PELI1: variants seen among roughly 807,000 people sequenced by gnomAD.
The protein encoded by PELI1 is E3 ubiquitin-protein ligase pellino homolog 1.
In PELI1, 15 loss-of-function variants were observed where a neutral mutation model predicts 41.3. The ratio of observed to expected loss-of-function variants is 0.36; its 90% CI spans 0.24 to 0.56. The LOEUF (loss-of-function observed/expected upper bound fraction) is 0.56. Ranked by LOEUF, PELI1 falls within the 20% of genes least tolerant of loss-of-function variation. The pLI is 0.82. For missense variants in PELI1, 403 were observed against 525.5 expected (o/e 0.77, Z 2.28); for synonymous variants, 178 against 180.1 (o/e 0.99, Z 0.09).
At chr2:64,138,098 TTTTTG>T (rs1181199312) in intron 1 of PELI1, among the ~76,000 whole-genome samples, 2 of 152,142 alleles carry the variant, frequency 1.3e-5, no homozygotes, top group Non-Finnish European at 1.5e-5. Flanking sequence ...ACGCTAGTTT[TTTTTG>T]TTTTGTTTTG....
At chr2:64,112,807 C>T (rs1399150534) in intron 1 of PELI1, among the ~76,000 whole-genome samples, 2 of 152,060 alleles carry the variant, frequency 1.3e-5, no homozygotes, top group East Asian at 3.9e-4. Flanking sequence ...AAATAAAATG[C>T]TGTGACAGCT....
chr2:64,113,566 T>C (rs761889291), intron 1 of PELI1, among the ~76,000 whole-genome samples: 2 of 152,258 alleles, frequency 1.3e-5, no homozygotes, highest in African/African-American at 2.4e-5. Flanking sequence ...CTTTGAAACT[T>C]TGCTTGATAC....
chr2:64,140,392 C>T (rs1681861014), intron 1 of PELI1, among the ~76,000 whole-genome samples: 1 of 152,054 alleles, frequency 6.6e-6, no homozygotes, highest in Non-Finnish European at 1.5e-5. Context: ...TATGTAGAAC[C>T]CCATTTCTCT....
rs547306190 is a variant in PELI1 at position 64,131,494 on chromosome 2, T to A, written c.-70+12587A>T. Among the ~76,000 whole-genome samples, 634 of 152,264 alleles carry A rather than the reference T, an allele frequency of 4.2e-3. 1 individual carries two copies. Among genetic ancestry groups the A allele is most frequent in the African/African-American group, 0.014 (576 of 41,546 alleles). ...ATATTTGTTTTCCAAATATTTTTGA[T>A]CCATGCTTGGTTCAATCCTCAGATG... On this transcript the variant is annotated intron_variant, in intron 1 of 6. Transcript: ENST00000358912.
chr2:64,131,342 G>A (rs2103735874), intron 1 of PELI1, among the ~76,000 whole-genome samples: 1 of 151,726 alleles, frequency 6.6e-6, no homozygotes, highest in East Asian at 1.9e-4. Flanking sequence ...ACACACATAG[G>A]TTCAGGTCAA....
intron 1 of PELI1, among the ~76,000 whole-genome samples, chr2:64,124,902 T>G (rs1413787950): frequency 6.6e-6 from 1 of 152,182 alleles, no homozygotes; most frequent in Non-Finnish European, 1.5e-5. Context: ...CCAAACCACC[T>G]GACTTCTGAC....
At chr2:64,122,367 G>C (rs899403219) in intron 1 of PELI1, among the ~76,000 whole-genome samples, 53 of 131,458 alleles carry the variant, frequency 4.0e-4, no homozygotes, top group Non-Finnish European at 7.7e-4. Flanking sequence ...AAAAACTCCA[G>C]AAAAAAAAAC....
chr2:64,121,967 T>C lies in PELI1; in HGVS notation c.-69-13588A>G, dbSNP rs1382620625. Among the ~76,000 whole-genome samples the C allele has an allele frequency of 2.0e-5, 3 of 152,142 alleles. No homozygotes were observed. In the East Asian group the frequency reaches 5.8e-4, roughly 29 times the overall value. On this transcript the variant is annotated intron_variant, in intron 1 of 6. Transcript: ENST00000358912. Reference sequence around the variant, plus strand: ...TTTTATAATGGGACAAATAATCGTATTCATAAAGAAAAAAGGGTTAGAATA... The same window carrying C: ...TTTTATAATGGGACAAATAATCGTACTCATAAAGAAAAAAGGGTTAGAATA...
intron 4 of PELI1, among the ~76,000 whole-genome samples, chr2:64,098,299 T>TTA (rs1216673158): frequency 6.6e-6 from 1 of 152,196 alleles, no homozygotes; most frequent in Non-Finnish European, 1.5e-5. Flanking sequence ...CAATGGTTCC[T>TTA]TATAGCTTAT....
intron 2 of PELI1, among the ~76,000 whole-genome samples, chr2:64,106,584 T>A (rs1455911139): frequency 6.6e-6 from 1 of 152,206 alleles, no homozygotes; most frequent in African/African-American, 2.4e-5. Flanking sequence ...AAATTTATGA[T>A]CTTTTAAAGC....
intron 1 of PELI1, among the ~76,000 whole-genome samples, chr2:64,113,622 T>TA (rs1030824494): frequency 3.3e-5 from 5 of 151,946 alleles, no homozygotes; most frequent in Middle Eastern, 3.4e-3. Context: ...CTTCCAGAGT[T>TA]AAAAAAAAAT....
intron 1 of PELI1, among the ~76,000 whole-genome samples, chr2:64,114,347 A>G (rs1680920673): frequency 6.6e-6 from 1 of 152,164 alleles, no homozygotes; most frequent in African/African-American, 2.4e-5. Context: ...AAGAGTGAAA[A>G]TTTAATCACC....
intron 1 of PELI1, among the ~76,000 whole-genome samples, chr2:64,116,075 G>C (rs1213947331): frequency 1.3e-5 from 2 of 152,102 alleles, no homozygotes; most frequent in Non-Finnish European, 2.9e-5. Flanking sequence ...TAAATTCCTG[G>C]TACTACCAGG....
At chr2:64,115,005 A>G (rs1256621766) in intron 1 of PELI1, among the ~76,000 whole-genome samples, 1 of 152,206 alleles carries the variant, frequency 6.6e-6, no homozygotes, top group Admixed American at 6.5e-5. Context: ...GGTTATTTAT[A>G]CTAAGACTTG....
chr2:64,100,655 G>T (rs1680395381), intron 3 of PELI1, among the ~76,000 whole-genome samples, 156 bp from the exon 4 acceptor site: 1 of 152,120 alleles, frequency 6.6e-6, no homozygotes, highest in Admixed American at 6.6e-5. Flanking sequence ...CCTGTCAGCT[G>T]TGACAGTAGT....
rs762935254 is a variant in PELI1 at position 64,094,846 on chromosome 2, A to G, written c.1113T>C (p.Cys371=). ...ACCAATAGGCAGTTGTCTTTTCTGA[A>G]CACACATGCCCACACGGGCTAAACG... The part of the protein sequence containing the change: ...THAFSPCGHV[C]SEKTTAYWSQ... Residue 371 remains cysteine, a synonymous_variant, in exon 7 of 7, where the codon TGT becomes TGC. Transcript: ENST00000358912. 3.7e-6 allele frequency: 6 copies of G among 1,614,232 alleles called. No homozygotes were observed. Among genetic ancestry groups the G allele is most frequent in the East Asian group, 4.5e-5 (2 of 44,890 alleles).
In PELI1 at chr2:64,108,311, G is replaced by C; in HGVS notation, c.-1C>G. 1 of 1,595,444 alleles carries C rather than the reference G, an allele frequency of 6.3e-7. No individual in the cohort carries two copies. The highest frequency in any genetic ancestry group is 8.6e-7 in the Non-Finnish European group (1 of 1,163,188). On this transcript the variant is annotated 5_prime_UTR_variant, in exon 2 of 7. Coordinates refer to ENST00000358912, the MANE Select transcript of PELI1 (RefSeq NM_020651.4). ...GATTTTCTTGATCAGGAGAAAACAT[G>C]AGCTTGGCTGTCTTTCTCAAATCTT... is the stretch of plus-strand genomic sequence containing the variant.
chr2:64,136,012 C>T (rs1027858800), intron 1 of PELI1, among the ~76,000 whole-genome samples: 1 of 152,214 alleles, frequency 6.6e-6, no homozygotes, highest in African/African-American at 2.4e-5. Flanking sequence ...TCTCTTGCTG[C>T]CTTCCCTCTC....
At chr2:64,096,046 G>T in intron 6 of PELI1, 79 bp downstream of exon 6, 1 of 962,918 alleles carries the variant, frequency 1.0e-6, no homozygotes, top group South Asian at 1.6e-5. Context: ...GAGTTTTCTG[G>T]AATGTATGTA....
Sources: gnomAD v4.1 joint callset for allele counts (sites outside exome capture counted in the v4.1 genomes callset) on GRCh38, gnomAD v4.1.1 for gene constraint, MANE v1.5 for transcripts, NCBI Gene and HGNC (gene_info 2026-07-23, HGNC 2026-07-21) for gene names.